Variants in CLEC16A observed in about 807,000 individuals in gnomAD.
The protein encoded by CLEC16A is protein CLEC16A.
Under a neutral mutation model 109.5 loss-of-function variants are expected in CLEC16A, and 51 were observed. That is an observed-to-expected ratio of 0.47 (90% CI 0.37 to 0.59). The LOEUF is 0.59. CLEC16A is among the 20% of genes least tolerant of loss of function. The pLI is 0.00. For synonymous variants in CLEC16A, 673 were observed against 564.2 expected, an observed-to-expected ratio of 1.19 and a Z score of -2.73; for missense variants, 1,339 against 1,394.0, an observed-to-expected ratio of 0.96 and a Z score of 0.63.
In CLEC16A at chr16:11,178,477, C is replaced by T. The variant is rs201719789; in HGVS notation, c.2949C>T (p.Leu983=). 1.2e-5 allele frequency: 19 copies of T among 1,613,516 alleles called. No homozygotes were observed. Among genetic ancestry groups the T allele is most frequent in the East Asian group, 6.7e-5 (3 of 44,902 alleles). Residue 983 remains leucine (L), a synonymous_variant, in exon 24 of 24, where the codon CTC becomes CTT. Transcript: ENST00000409790. This position sits in a 1 kb window ranked among gnomAD's most constrained non-coding sequence, Gnocchi z 6.5. The stretch of plus-strand genomic sequence containing the variant: ...AGACAGCCAGCCTGTCCCCCAGCCT[C>T]GTCCCTGCCCGGCAGCCCACCATTT... The part of the protein sequence containing the change: ...AVETASLSPS[L]VPARQPTISL...
chr16:11,119,658 C>T (rs1395196912), intron 19 of CLEC16A, among the ~76,000 whole-genome samples: 1 of 152,174 alleles, frequency 6.6e-6, no homozygotes, highest in Non-Finnish European at 1.5e-5. Context: ...TCCCAAAGTG[C>T]TGGAATTACA....
intron 1 of CLEC16A, among the ~76,000 whole-genome samples, chr16:10,948,602 C>T (rs1195531429): frequency 6.6e-6 from 1 of 152,166 alleles, no homozygotes; most frequent in East Asian, 1.9e-4. Context: ...AGAAATTGGT[C>T]GTTTTTGTAT....
chr16:10,954,226 C>T lies in CLEC16A; in HGVS notation c.81-3556C>T, dbSNP rs1379679232. Among the ~76,000 whole-genome samples the T allele has an allele frequency of 3.3e-5, 5 of 152,184 alleles. No individual in the cohort carries two copies. The highest frequency in any genetic ancestry group is 5.9e-5 in the Non-Finnish European group (4 of 68,046). The stretch of plus-strand genomic sequence containing the variant: ...ACAGGTCTGTGGGCGAGCTACTGAA[C>T]GTCGCCAAACCTCACTTGCTGTCTT... On this transcript the variant is annotated intron_variant, in intron 1 of 23. Transcript: ENST00000409790. This position sits in a 1 kb window ranked among gnomAD's most constrained non-coding sequence, Gnocchi z 4.2.
chr16:10,952,781 C>A (rs559466740), intron 1 of CLEC16A, among the ~76,000 whole-genome samples: 222 of 152,112 alleles, frequency 1.5e-3, no homozygotes, highest in African/African-American at 5.0e-3. Context: ...TTTCTGTATA[C>A]CAGCAAAAGA....
intron 22 of CLEC16A, among the ~76,000 whole-genome samples, chr16:11,161,942 T>C (rs1658569564): frequency 6.6e-6 from 1 of 152,136 alleles, no homozygotes; most frequent in Non-Finnish European, 1.5e-5. Context: ...TAAGTGATTA[T>C]TGGTGGGGAA....
intron 18 of CLEC16A, among the ~76,000 whole-genome samples, chr16:11,058,833 A>G (rs113003102): frequency 6.8e-4 from 103 of 152,316 alleles, no homozygotes; most frequent in African/African-American, 2.3e-3. Context: ...CAAAACCCCA[A>G]GAGGAACAGG....
At chr16:11,074,326 G>A (rs1240524337) in intron 19 of CLEC16A, among the ~76,000 whole-genome samples, 1 of 152,168 alleles carries the variant, frequency 6.6e-6, no homozygotes, top group Non-Finnish European at 1.5e-5. Context: ...CTGTGTACTT[G>A]ATGAATAATG....
At chr16:11,047,482 A>G in intron 17 of CLEC16A, 140 bp downstream of exon 17, 1 of 466,162 alleles carries the variant, frequency 2.1e-6, no homozygotes. Flanking sequence ...CAGATTTAGA[A>G]TGGTGTCTTG....
chr16:11,053,682 A>G (rs562708358), intron 18 of CLEC16A, among the ~76,000 whole-genome samples: 3 of 152,268 alleles, frequency 2.0e-5, no homozygotes, highest in African/African-American at 7.2e-5. Flanking sequence ...ACAGGGGAAG[A>G]AATTGATGCA....
At chr16:11,126,495 A>G (rs2052831143) in intron 22 of CLEC16A, 1 of 989,186 alleles carries the variant, frequency 1.0e-6, no homozygotes. Context: ...TAAGATGACT[A>G]GAAAGAGAGA....
At chr16:11,092,889 A>G (rs542151161) in intron 19 of CLEC16A, among the ~76,000 whole-genome samples, 12 of 152,270 alleles carry the variant, frequency 7.9e-5, no homozygotes, top group South Asian at 2.1e-4. Context: ...AGAATCCCCA[A>G]TGCATGGTGA....
chr16:11,025,918 A>G (rs886116064), intron 13 of CLEC16A, among the ~76,000 whole-genome samples: 6 of 152,238 alleles, frequency 3.9e-5, no homozygotes, highest in Non-Finnish European at 7.3e-5. Context: ...AAACCCAAGT[A>G]GGAGTATATA....
intron 13 of CLEC16A, among the ~76,000 whole-genome samples, chr16:11,039,381 A>G (rs1381468463): frequency 6.6e-6 from 1 of 152,242 alleles, no homozygotes; most frequent in Non-Finnish European, 1.5e-5. Context: ...TATAAGAAAT[A>G]GAAAATGTAT....
chr16:11,123,123 C>T (rs1330159346), intron 20 of CLEC16A, among the ~76,000 whole-genome samples: 1 of 151,974 alleles, frequency 6.6e-6, no homozygotes, highest in Non-Finnish European at 1.5e-5. Context: ...AGGCTGGTCT[C>T]GAACTCCTGA....
At chr16:11,030,824 TA>T (rs1216412221) in intron 13 of CLEC16A, among the ~76,000 whole-genome samples, 3 of 152,304 alleles carry the variant, frequency 2.0e-5, no homozygotes, top group African/African-American at 7.2e-5. Context: ...TTTGTATTTT[TA>T]GTAGTGACAG....
At chr16:11,148,721 ATGG>A (rs2054171160) in intron 22 of CLEC16A, among the ~76,000 whole-genome samples, 2 of 152,160 alleles carry the variant, frequency 1.3e-5, no homozygotes, top group African/African-American at 4.8e-5. Flanking sequence ...CATCCCCTGT[ATGG>A]CCAGGAAAGC....
intron 16 of CLEC16A, 84 bp downstream of exon 16, chr16:11,044,156 G>A (rs992018550): frequency 1.8e-5 from 21 of 1,174,950 alleles, no homozygotes; most frequent in East Asian, 2.6e-5. Context: ...GCAGATAAAC[G>A]TTATATGTCT....
intron 22 of CLEC16A, among the ~76,000 whole-genome samples, chr16:11,134,301 T>A (rs1360952137): frequency 6.7e-6 from 1 of 149,760 alleles, no homozygotes; most frequent in East Asian, 2.0e-4. Context: ...GACAGAAAAA[T>A]TTGTATCTAT....
chr16:11,058,993 G>GTAC (rs1176044283), intron 18 of CLEC16A, among the ~76,000 whole-genome samples: 1 of 152,162 alleles, frequency 6.6e-6, no homozygotes, highest in Non-Finnish European at 1.5e-5. Context: ...TGGGCTTTCT[G>GTAC]TACTTGGACT....
Sources: allele counts gnomAD v4.1 joint callset (sites outside exome capture counted in the v4.1 genomes callset), GRCh38; gene constraint gnomAD v4.1.1; non-coding constraint Gnocchi (gnomAD v3.1); transcripts MANE v1.5; gene names NCBI Gene and HGNC (gene_info 2026-07-23, HGNC 2026-07-21).